Variants in ANKRD11 observed in about 807,000 individuals in gnomAD.
ANKRD11 encodes the protein ankyrin repeat domain 11.
A neutral mutation model predicts 195.7 loss-of-function variants in ANKRD11; 17 were observed. The ratio of observed to expected loss-of-function variants is 0.09; its 90% CI spans 0.06 to 0.13. The LOEUF is 0.13. Ranked by LOEUF, ANKRD11 falls within the 10% of genes least tolerant of loss-of-function variation. ANKRD11 has a pLI of 1.00. For synonymous variants in ANKRD11, 1,953 were observed against 1,528.1 expected, an observed-to-expected ratio of 1.28 and a Z score of -6.49; for missense variants, 3,735 against 3,566.1, an observed-to-expected ratio of 1.05 and a Z score of -1.21.
At chr16:89,374,839 C>T (rs767002306) in intron 2 of ANKRD11, among the ~76,000 whole-genome samples, 8 of 152,014 alleles carry the variant, frequency 5.3e-5, no homozygotes, top group Admixed American at 2.6e-4. Flanking sequence ...AGTCACCCAT[C>T]GATTTGTTTT....
At chr16:89,447,325 A>C (rs752283458) in intron 1 of ANKRD11, among the ~76,000 whole-genome samples, 14 of 151,972 alleles carry the variant, frequency 9.2e-5, no homozygotes, top group Non-Finnish European at 1.6e-4. Context: ...CTTATCACAA[A>C]CACCCCAACA....
chr16:89,346,717 G>T (rs953889350), intron 2 of ANKRD11, among the ~76,000 whole-genome samples: 3 of 152,154 alleles, frequency 2.0e-5, no homozygotes, highest in African/African-American at 7.2e-5. Context: ...CAGCAAGGTG[G>T]GAGATCCAGG....
intron 1 of ANKRD11, among the ~76,000 whole-genome samples, chr16:89,456,575 G>A (rs2056446539): frequency 6.6e-6 from 1 of 151,240 alleles, no homozygotes; most frequent in African/African-American, 2.4e-5. Flanking sequence ...AACAAGCCAA[G>A]TGTCAATCAA....
intron 2 of ANKRD11, among the ~76,000 whole-genome samples, chr16:89,329,875 G>A (rs1487598722): frequency 6.6e-6 from 1 of 152,050 alleles, no homozygotes; most frequent in Non-Finnish European, 1.5e-5. Context: ...GCATGGTGGT[G>A]CGTGCCTGTA....
intron 2 of ANKRD11, among the ~76,000 whole-genome samples, chr16:89,377,995 T>A (rs1567720843): frequency 2.0e-5 from 3 of 152,144 alleles, no homozygotes. Context: ...ATGATTTTCT[T>A]AACAACACCT....
At chr16:89,411,753 T>C (rs960111126) in intron 2 of ANKRD11, among the ~76,000 whole-genome samples, 4 of 152,086 alleles carry the variant, frequency 2.6e-5, no homozygotes, top group African/African-American at 9.7e-5. Flanking sequence ...CCCAAATCAT[T>C]TTTCCCAATG....
chr16:89,422,461 G>A (rs558260692), intron 1 of ANKRD11, among the ~76,000 whole-genome samples: 1 of 152,166 alleles, frequency 6.6e-6, no homozygotes, highest in African/African-American at 2.4e-5. Context: ...GGTAAACAAG[G>A]CATCCACGGA....
At chr16:89,475,118 C>T (rs920359349) in intron 1 of ANKRD11, among the ~76,000 whole-genome samples, 2 of 152,188 alleles carry the variant, frequency 1.3e-5, no homozygotes, top group African/African-American at 4.8e-5. Context: ...AACAGACCCT[C>T]TTGACTGTGA....
intron 2 of ANKRD11, among the ~76,000 whole-genome samples, chr16:89,369,351 G>A (rs2152075712): frequency 6.6e-6 from 1 of 152,338 alleles, no homozygotes; most frequent in Middle Eastern, 3.4e-3. Context: ...CCATTCAGGT[G>A]TCCATCAGCT....
intron 2 of ANKRD11, among the ~76,000 whole-genome samples, chr16:89,377,558 T>A (rs968394006): frequency 6.6e-6 from 1 of 152,026 alleles, no homozygotes; most frequent in Non-Finnish European, 1.5e-5. Context: ...CCAGAGAAAT[T>A]AGAAGACAAC....
intron 2 of ANKRD11, among the ~76,000 whole-genome samples, chr16:89,335,443 G>A (rs2038302068): frequency 1.3e-5 from 2 of 152,228 alleles, no homozygotes; most frequent in African/African-American, 4.8e-5. Flanking sequence ...CTGAGCTTCA[G>A]GATGAGTGGG....
chr16:89,422,708 G>A (rs1256708397), intron 1 of ANKRD11, among the ~76,000 whole-genome samples: 1 of 152,154 alleles, frequency 6.6e-6, no homozygotes, highest in African/African-American at 2.4e-5. Context: ...TCCCTGGGAA[G>A]GAAGCTGGGC....
intron 1 of ANKRD11, among the ~76,000 whole-genome samples, chr16:89,462,204 C>T (rs1943202195): frequency 6.6e-6 from 1 of 152,190 alleles, no homozygotes; most frequent in Non-Finnish European, 1.5e-5. Flanking sequence ...CTCAGCCTGC[C>T]GAGTGCCTGC....
At chr16:89,331,303 T>A (rs1028742965) in intron 2 of ANKRD11, among the ~76,000 whole-genome samples, 8 of 152,186 alleles carry the variant, frequency 5.3e-5, no homozygotes, top group African/African-American at 9.7e-5. Context: ...TTTTACTCTA[T>A]AATGAGGCTA....
intron 2 of ANKRD11, among the ~76,000 whole-genome samples, chr16:89,332,450 G>A (rs914309652): frequency 3.3e-5 from 5 of 152,270 alleles, no homozygotes; most frequent in Admixed American, 6.5e-5. Flanking sequence ...GGCAGCACCT[G>A]TACCCGCAGC....
intron 2 of ANKRD11, among the ~76,000 whole-genome samples, chr16:89,363,839 T>A (rs2039835316): frequency 6.6e-6 from 1 of 151,926 alleles, no homozygotes; most frequent in South Asian, 2.1e-4. Flanking sequence ...GAGGACTGAC[T>A]GAGGCAAAAA....
At chr16:89,388,075 A>G (rs1489818199) in intron 2 of ANKRD11, among the ~76,000 whole-genome samples, 1 of 152,110 alleles carries the variant, frequency 6.6e-6, no homozygotes, top group Non-Finnish European at 1.5e-5. Flanking sequence ...CAGACTTACA[A>G]AAAAGTTGCA....
intron 1 of ANKRD11, among the ~76,000 whole-genome samples, chr16:89,485,956 G>C (rs887790826): frequency 6.6e-6 from 1 of 152,172 alleles, no homozygotes; most frequent in South Asian, 2.1e-4. Context: ...TGATGGAAAC[G>C]ATGAGGAAAT....
At position 89,305,315 on chromosome 16, in the gene ANKRD11, G is replaced by A; in HGVS notation, c.117C>T (p.Thr39=). The A allele has an allele frequency of 6.2e-7, 1 of 1,613,928 alleles. No homozygotes were observed. The highest frequency in any genetic ancestry group is 8.5e-7 in the Non-Finnish European group (1 of 1,179,882). ...CGCCATCGCCACGCTCCAGTTTTGGGGTCTTGGTTAGAGAAACTTTATCTT... is the reference window on the plus strand; with the variant it reads ...CGCCATCGCCACGCTCCAGTTTTGGAGTCTTGGTTAGAGAAACTTTATCTT... ...KDKDKVSLTK[T]PKLERGDGGK... The change falls in exon 4 of 13, where the codon ACC becomes ACT. Residue 39 remains threonine (T), a synonymous_variant. Coordinates refer to ENST00000301030, the MANE Select transcript of ANKRD11 (RefSeq NM_013275.6).
Sources: allele counts gnomAD v4.1 joint callset (sites outside exome capture counted in the v4.1 genomes callset), GRCh38; gene constraint gnomAD v4.1.1; transcripts MANE v1.5; gene names NCBI Gene and HGNC (gene_info 2026-07-23, HGNC 2026-07-21).